The following RARA variants were observed in gnomAD, a reference collection of about 807,000 sequenced individuals.
The protein encoded by RARA is PML-DDX5-RARA fusion.
Under a neutral mutation model 42.8 loss-of-function variants are expected in RARA, and 5 were observed. That is an observed-to-expected ratio of 0.12 (90% confidence interval 0.06 to 0.25). The LOEUF (loss-of-function observed/expected upper bound fraction) is 0.25. Ranked by LOEUF, RARA falls within the 10% of genes least tolerant of loss-of-function variation. The probability of loss-of-function intolerance (pLI) is 1.00; values close to 1 mark genes in which losing one functional copy is unlikely to be tolerated. For synonymous variants in RARA, 256 were observed against 259.5 expected, an observed-to-expected ratio of 0.99 and a Z score of 0.13; for missense variants, 402 against 628.7, an observed-to-expected ratio of 0.64 and a Z score of 3.86.
chr17:40,342,865 A>C (rs1325485009), intron 2 of RARA: 1 of 1,610,526 alleles, frequency 6.2e-7, no homozygotes, highest in African/African-American at 1.3e-5. Flanking sequence ...GGCTCAAACC[A>C]CTGTACGTAC....
chr17:40,316,044 CTGCAGAT>C (rs1404771033), intron 1 of RARA, among the ~76,000 whole-genome samples: 2 of 152,228 alleles, frequency 1.3e-5, no homozygotes, highest in Non-Finnish European at 2.9e-5. Context: ...TCAACTGCTG[CTGCAGAT>C]TGAAGACTCC....
chr17:40,333,559 C>T (rs375164466), intron 2 of RARA, among the ~76,000 whole-genome samples: 2 of 151,486 alleles, frequency 1.3e-5, no homozygotes, highest in South Asian at 4.1e-4. Context: ...CAGTCTTGGA[C>T]TCCTGGCCTC....
At chr17:40,339,429 A>T (rs2033956954) in intron 2 of RARA, among the ~76,000 whole-genome samples, 1 of 152,164 alleles carries the variant, frequency 6.6e-6, no homozygotes, top group African/African-American at 2.4e-5. Context: ...CTGCCGCTGG[A>T]GGCCCCCCAG....
intron 1 of RARA, among the ~76,000 whole-genome samples, chr17:40,315,099 T>C (rs894123794): frequency 7.7e-6 from 1 of 129,218 alleles, no homozygotes; most frequent in Non-Finnish European, 1.6e-5. Context: ...TTGGGTTATA[T>C]GTATATATAT....
chr17:40,355,303 G>A lies in RARA; in HGVS notation c.1053G>A (p.Leu351=), dbSNP rs753916674. 6.2e-7 allele frequency: 1 copy of A among 1,601,654 alleles called. No individual in the cohort carries two copies. The highest frequency in any genetic ancestry group is 8.5e-7 in the Non-Finnish European group (1 of 1,173,954). ...AGCAGCCGGACCGGGTGGACATGCTGCAGGAGCCGCTGCTGGAGGCGCTAA... is the reference window on the plus strand; with the variant it reads ...AGCAGCCGGACCGGGTGGACATGCTACAGGAGCCGCTGCTGGAGGCGCTAA... ...DLEQPDRVDM[L]QEPLLEALKV... Residue 351 remains leucine, a synonymous_variant, in exon 8 of 9, where the codon CTG becomes CTA. Transcript: ENST00000254066. This position sits in a 1 kb window ranked among gnomAD's most constrained non-coding sequence, Gnocchi z 4.1.
chr17:40,309,755 G>A (rs1310972009), intron 1 of RARA, among the ~76,000 whole-genome samples: 1 of 152,180 alleles, frequency 6.6e-6, no homozygotes, highest in African/African-American at 2.4e-5. Context: ...TACACACCTT[G>A]TAGGGGAACT....
intron 2 of RARA, among the ~76,000 whole-genome samples, chr17:40,347,154 A>T (rs939044471): frequency 6.6e-6 from 1 of 152,188 alleles, no homozygotes; most frequent in Non-Finnish European, 1.5e-5. Context: ...AATGCCAGCC[A>T]GTCTCATGTG....
Position 40,331,308 on chromosome 17 carries a change from T to C in RARA, c.90T>C (p.Pro30=), listed in dbSNP as rs770175416. 7.4e-6 allele frequency: 12 copies of C among 1,613,920 alleles called. No homozygotes were observed. The highest frequency in any genetic ancestry group is 6.7e-5 in the African/African-American group (5 of 74,904). The part of the protein sequence containing the change: ...PVPPYAFFFP[P]MLGGLSPPGA... ...CTCCCTACGCCTTCTTCTTCCCCCC[T>C]ATGCTGGGTGGACTCTCCCCGCCAG... Residue 30 remains proline (P), a synonymous_variant, in exon 2 of 9, where the codon CCT becomes CCC. Coordinates refer to ENST00000254066, the MANE Select transcript of RARA (RefSeq NM_000964.4).
intron 6 of RARA, among the ~76,000 whole-genome samples, chr17:40,353,294 G>A (rs1346372635): frequency 2.0e-5 from 3 of 152,206 alleles, no homozygotes; most frequent in Admixed American, 2.0e-4. Flanking sequence ...TGGATGCAGG[G>A]GGTGGGGGCA....
intron 2 of RARA, among the ~76,000 whole-genome samples, chr17:40,333,064 T>A (rs1598553499): frequency 2.0e-5 from 3 of 152,228 alleles, no homozygotes; most frequent in South Asian, 4.1e-4. Flanking sequence ...TTATTTATTT[T>A]TTTGAGACAG....
rs554283367 is a variant in RARA, at chr17:40,349,712, G to C, written c.328-72G>C. ...CAGCTGGCCTGGCCCTCCTCCCCTA[G>C]ACTGAGACCGTAGCCAGGCACTGCT... On this transcript the variant is annotated intron_variant, in intron 3 of 8. Transcript: ENST00000254066. 2.6e-5 allele frequency: 41 copies of C among 1,585,724 alleles called. No homozygotes were observed. In the South Asian group the frequency reaches 4.7e-4, roughly 18 times the overall value.
intron 1 of RARA, among the ~76,000 whole-genome samples, chr17:40,321,625 C>G (rs116847662): frequency 2.6e-5 from 4 of 152,194 alleles, no homozygotes; most frequent in Non-Finnish European, 5.9e-5. Context: ...GCCAGTGACA[C>G]CTCCTTCTAC....
intron 1 of RARA, among the ~76,000 whole-genome samples, chr17:40,315,499 C>T (rs2033194500): frequency 6.6e-6 from 1 of 151,994 alleles, no homozygotes; most frequent in African/African-American, 2.4e-5. Context: ...TATTAAGGTA[C>T]TTGTGGGAGG....
At chr17:40,338,462 T>C (rs2033923644) in intron 2 of RARA, among the ~76,000 whole-genome samples, 1 of 152,106 alleles carries the variant, frequency 6.6e-6, no homozygotes, top group Admixed American at 6.5e-5. Flanking sequence ...GGGCCTTCCA[T>C]GGGCAGGAGT....
chr17:40,342,031 C>A, intron 2 of RARA: 1 of 1,067,948 alleles, frequency 9.4e-7, no homozygotes, highest in Non-Finnish European at 1.1e-6. Flanking sequence ...CGGTTCCCTG[C>A]GTTTCTCCCG....
rs545586752 is a variant in RARA at position 40,323,842 on chromosome 17, G to C, written c.-362-7015G>C. Among the ~76,000 whole-genome samples the C allele has an allele frequency of 2.7e-5, 3 of 113,170 alleles. No individual in the cohort carries two copies. The East Asian group carries it at 9.2e-4, about 35-fold the overall frequency. The allele number at this position is 113,170 out of a possible 152,430, so 74.2% of individuals were successfully genotyped here. ...ATCCTGAGGCAGGACTTGGTGGGGG[G>C]GTGTATTCCTGGATTCCCTGCAGCG... On this transcript the variant is annotated intron_variant, in intron 1 of 8. Coordinates refer to ENST00000254066, the MANE Select transcript of RARA (RefSeq NM_000964.4).
chr17:40,342,194 C>T (rs2034080776), intron 2 of RARA: 4 of 1,052,680 alleles, frequency 3.8e-6, no homozygotes, highest in Non-Finnish European at 4.6e-6. Flanking sequence ...AGCGAGTCGC[C>T]AGCTGCCCCT....
chr17:40,349,657 G>A, intron 3 of RARA, 127 bp from the exon 4 acceptor site: 1 of 1,224,438 alleles, frequency 8.2e-7, no homozygotes, highest in Non-Finnish European at 1.1e-6. Flanking sequence ...GGCCTGCTCA[G>A]GTAGGCGATG....
rs1015242434 is a variant in RARA at position 40,347,722 on chromosome 17, G to A, written c.179-594G>A. 2.6e-5 allele frequency among the ~76,000 whole-genome samples: 4 copies of A among 151,990 alleles called. No homozygotes were observed. In the South Asian group the frequency reaches 8.3e-4, roughly 32 times the overall value. ...CTATCTCAGGGAGACACCTCCTACTGTGCCCAGCATTTGTGACTCTTCTTT... is the reference window on the plus strand; with the variant it reads ...CTATCTCAGGGAGACACCTCCTACTATGCCCAGCATTTGTGACTCTTCTTT... On this transcript the variant is annotated intron_variant, in intron 2 of 8. Transcript: ENST00000254066.
Sources: allele counts gnomAD v4.1 joint callset (sites outside exome capture counted in the v4.1 genomes callset), GRCh38; gene constraint gnomAD v4.1.1; non-coding constraint Gnocchi (gnomAD v3.1); transcripts MANE v1.5; gene names NCBI Gene and HGNC (gene_info 2026-07-23, HGNC 2026-07-21).